The following MAP3K5 variants were observed in gnomAD, a reference collection of about 807,000 sequenced individuals.
The protein encoded by MAP3K5 is mitogen-activated protein kinase kinase kinase 5.
Under a neutral mutation model 158.7 loss-of-function variants are expected in MAP3K5, and 56 were observed. The observed-to-expected ratio is 0.35, with a 90% CI of 0.28 to 0.44. The LOEUF (loss-of-function observed/expected upper bound fraction) is 0.44. Among genes scored for constraint, MAP3K5 ranks in the 20% least tolerant of loss-of-function variants. The pLI is 1.00. For missense variants in MAP3K5, 1,294 were observed against 1,674.8 expected (o/e 0.77, Z 3.97); for synonymous variants, 579 against 601.7 (o/e 0.96, Z 0.55).
chr6:136,770,947 G>C (rs1368671035), intron 1 of MAP3K5, among the ~76,000 whole-genome samples: 1 of 152,082 alleles, frequency 6.6e-6, no homozygotes, highest in Non-Finnish European at 1.5e-5. Context: ...TTCTTAATAT[G>C]TATACAACTC....
chr6:136,664,206 T>C (rs536151176), intron 8 of MAP3K5, among the ~76,000 whole-genome samples: 1 of 152,196 alleles, frequency 6.6e-6, no homozygotes, highest in South Asian at 2.1e-4. Flanking sequence ...AACACTATTG[T>C]GAACTGCGCG....
At chr6:136,706,715 AAAG>A (rs1488593936) in intron 2 of MAP3K5, among the ~76,000 whole-genome samples, 3 of 152,174 alleles carry the variant, frequency 2.0e-5, no homozygotes, top group African/African-American at 7.2e-5. Flanking sequence ...CACATGGGGC[AAAG>A]AAGAACCAAC....
At chr6:136,783,661 T>C (rs777881559) in intron 1 of MAP3K5, among the ~76,000 whole-genome samples, 88 of 152,292 alleles carry the variant, frequency 5.8e-4, no homozygotes, top group Non-Finnish European at 9.7e-4. Flanking sequence ...GAGGCTTCCA[T>C]GGGTGACAGA....
intron 3 of MAP3K5, among the ~76,000 whole-genome samples, chr6:136,699,139 GCTCT>G (rs1008066604): frequency 6.6e-6 from 1 of 152,100 alleles, no homozygotes; most frequent in Non-Finnish European, 1.5e-5. Flanking sequence ...CCGGGAGGCT[GCTCT>G]CTCTCTGTCT....
chr6:136,778,817 A>G (rs1410082818), intron 1 of MAP3K5, among the ~76,000 whole-genome samples: 1 of 152,152 alleles, frequency 6.6e-6, no homozygotes, highest in Non-Finnish European at 1.5e-5. Flanking sequence ...TTGTTTCCCC[A>G]AACAAAAAAA....
At chr6:136,678,887 A>T (rs1246699618) in intron 7 of MAP3K5, among the ~76,000 whole-genome samples, 1 of 151,936 alleles carries the variant, frequency 6.6e-6, no homozygotes, top group Non-Finnish European at 1.5e-5. Flanking sequence ...CACCACACCC[A>T]GGTAATTTTT....
chr6:136,701,144 G>T (rs1379945887), intron 3 of MAP3K5, among the ~76,000 whole-genome samples: 2 of 152,134 alleles, frequency 1.3e-5, no homozygotes, highest in Non-Finnish European at 2.9e-5. Flanking sequence ...CCAGCCCAGG[G>T]ACTCTTTCTC....
At chr6:136,591,909 G>C (rs1315424818) in intron 23 of MAP3K5, among the ~76,000 whole-genome samples, 1 of 152,118 alleles carries the variant, frequency 6.6e-6, no homozygotes, top group East Asian at 1.9e-4. Flanking sequence ...GGGGCTATTT[G>C]GAATGTCACC....
intron 1 of MAP3K5, among the ~76,000 whole-genome samples, chr6:136,763,549 C>G (rs1002790252): frequency 7.9e-5 from 12 of 152,186 alleles, no homozygotes; most frequent in Admixed American, 6.5e-5. Context: ...AAAAAGTTTT[C>G]ACGCAAAGCT....
intron 1 of MAP3K5, among the ~76,000 whole-genome samples, chr6:136,741,729 T>C (rs1196867202): frequency 1.3e-5 from 2 of 152,196 alleles, no homozygotes; most frequent in Non-Finnish European, 2.9e-5. Flanking sequence ...GGATCATCTA[T>C]GTACAAAACC....
chr6:136,632,445 A>C (rs1777414637), intron 14 of MAP3K5, among the ~76,000 whole-genome samples: 1 of 152,096 alleles, frequency 6.6e-6, no homozygotes, highest in Non-Finnish European at 1.5e-5. Context: ...TGAACCTAGG[A>C]GGCGGAGGTT....
intron 1 of MAP3K5, among the ~76,000 whole-genome samples, chr6:136,788,586 G>A (rs537390709): frequency 1.3e-5 from 2 of 152,184 alleles, no homozygotes; most frequent in East Asian, 1.9e-4. Flanking sequence ...AAAAGTAGGC[G>A]AAAGATATGA....
intron 14 of MAP3K5, chr6:136,629,097 C>T (rs1199361450): frequency 2.0e-5 from 3 of 152,196 alleles, no homozygotes; most frequent in Non-Finnish European, 2.9e-5. Flanking sequence ...CTAGAATCAT[C>T]TCTTTATTGC....
Position 136,764,950 on chromosome 6 carries a change from G to A in MAP3K5, c.448+26760C>T, listed in dbSNP as rs369917115. 2.3e-4 allele frequency among the ~76,000 whole-genome samples: 35 copies of A among 152,254 alleles called. 2 individuals are homozygous for A. Among genetic ancestry groups the A allele is most frequent in the Admixed American group, 9.8e-4 (15 of 15,300 alleles). On this transcript the variant is annotated intron_variant, in intron 1 of 29. Transcript: ENST00000359015. ...GGTCAATTCTCAGCTCTCTGAACAT[G>A]TATCTGCTTTGGGGATCAGTATTAC...
chr6:136,637,508 G>A, intron 13 of MAP3K5, 102 bp from the exon 14 acceptor site: 1 of 755,360 alleles, frequency 1.3e-6, no homozygotes, highest in Non-Finnish European at 2.4e-6. Context: ...AGAGCTAAGA[G>A]AGTCTCCAGA....
chr6:136,740,073 T>C (rs1782646688), intron 1 of MAP3K5, among the ~76,000 whole-genome samples: 1 of 152,248 alleles, frequency 6.6e-6, no homozygotes, highest in Non-Finnish European at 1.5e-5. Flanking sequence ...AGACACAAGC[T>C]GCTTTTTCCA....
At chr6:136,631,148 T>C (rs1291977490) in intron 14 of MAP3K5, among the ~76,000 whole-genome samples, 1 of 152,212 alleles carries the variant, frequency 6.6e-6, no homozygotes, top group Non-Finnish European at 1.5e-5. Flanking sequence ...TCCTGTCAAC[T>C]TGTCTTTTGT....
At chr6:136,696,300 G>T (rs1277617699) in intron 5 of MAP3K5, among the ~76,000 whole-genome samples, 1 of 152,102 alleles carries the variant, frequency 6.6e-6, no homozygotes, top group Admixed American at 6.6e-5. Flanking sequence ...AACTAAAAAA[G>T]CAAAAGAAAC....
At chr6:136,640,243 T>G (rs1777862048) in intron 12 of MAP3K5, among the ~76,000 whole-genome samples, 1 of 152,220 alleles carries the variant, frequency 6.6e-6, no homozygotes, top group Non-Finnish European at 1.5e-5. Flanking sequence ...GGCCAGATAG[T>G]AAAATACTTT....
Sources: gnomAD v4.1 joint callset for allele counts (sites outside exome capture counted in the v4.1 genomes callset) on GRCh38, gnomAD v4.1.1 for gene constraint, MANE v1.5 for transcripts, NCBI Gene and HGNC (gene_info 2026-07-23, HGNC 2026-07-21) for gene names.